Variants in POLDIP3 observed in about 807,000 individuals in gnomAD.
POLDIP3 encodes polymerase delta-interacting protein 3.
Under a neutral mutation model 45.1 loss-of-function variants are expected in POLDIP3, and 14 were observed. That is an observed-to-expected ratio of 0.31 (90% CI 0.20 to 0.49). The LOEUF is 0.49. Ranked by LOEUF, POLDIP3 falls within the 20% of genes least tolerant of loss-of-function variation. POLDIP3 has a pLI of 0.99. For missense variants in POLDIP3, 511 were observed against 538.8 expected (o/e 0.95, Z 0.51); for synonymous variants, 223 against 205.2 (o/e 1.09, Z -0.74).
intron 6 of POLDIP3, 134 bp downstream of exon 6, chr22:42,595,403 G>A (rs1166860042): frequency 1.3e-6 from 1 of 772,050 alleles, no homozygotes; most frequent in East Asian, 2.5e-5. Flanking sequence ...GCTGTCATTA[G>A]TCTCAGCCCT....
intron 4 of POLDIP3, 109 bp from the exon 5 acceptor site, chr22:42,596,474 C>A: frequency 1.9e-6 from 2 of 1,075,504 alleles, no homozygotes; most frequent in Non-Finnish European, 2.7e-6. Context: ...TGCCTCCCAG[C>A]TCTCTAATTC....
At position 42,585,921 on chromosome 22, in the gene POLDIP3, C is replaced by T. The variant is rs766082336; in HGVS notation, c.1136G>A (p.Arg379His). The change falls in exon 9 of 9, where the codon CGC (arginine) becomes CAC (histidine). Residue 379 changes from arginine (R) to histidine (H), a missense_variant. Around this residue, in one of 4 missense-constraint regions of POLDIP3, gnomAD observed 45 missense variants for 34.3 expected, o/e 1.31. Transcript: ENST00000252115. ...GGAGGAGGAGGCAGAGTTCACCCTG[C>T]GAGGCAGCTCGCTCTCCTTTTTCAT... is the stretch of plus-strand genomic sequence containing the variant. Reference protein sequence around the residue: ...PSMKKESELPRRVNSASSSNP... With the variant: ...PSMKKESELPHRVNSASSSNP... 8 of 1,613,386 alleles carry T rather than the reference C, an allele frequency of 5.0e-6. No individual in the cohort carries two copies. Among genetic ancestry groups the T allele is most frequent in the East Asian group, 2.2e-5 (1 of 44,864 alleles).
At chr22:42,600,290 C>A (rs767024039) in intron 3 of POLDIP3, among the ~76,000 whole-genome samples, 1 of 152,118 alleles carries the variant, frequency 6.6e-6, no homozygotes, top group Admixed American at 6.5e-5. Flanking sequence ...CAGAGAAATG[C>A]TTGAGTTACA....
intron 1 of POLDIP3, among the ~76,000 whole-genome samples, chr22:42,606,438 C>T (rs547534566): frequency 5.8e-4 from 88 of 152,154 alleles, no homozygotes; most frequent in African/African-American, 2.1e-3. Flanking sequence ...CAGGACCAGC[C>T]TGGGCAATAT....
intron 8 of POLDIP3, among the ~76,000 whole-genome samples, chr22:42,587,108 CAAA>C (rs1925359183): frequency 6.6e-6 from 1 of 152,002 alleles, no homozygotes; most frequent in Admixed American, 6.6e-5. Flanking sequence ...AACAAACAAA[CAAA>C]CAAACAAAAA....
intron 6 of POLDIP3, among the ~76,000 whole-genome samples, chr22:42,594,156 G>A (rs1925839424): frequency 6.6e-6 from 1 of 152,164 alleles, no homozygotes; most frequent in African/African-American, 2.4e-5. Context: ...AGCTACCAGG[G>A]AGGCTGAGGC....
intron 6 of POLDIP3, among the ~76,000 whole-genome samples, chr22:42,594,937 CCT>C (rs764593859): frequency 1.3e-4 from 20 of 152,306 alleles, no homozygotes; most frequent in African/African-American, 4.8e-4. Flanking sequence ...ATAGATATCC[CCT>C]GACTCTGAGA....
intron 1 of POLDIP3, among the ~76,000 whole-genome samples, chr22:42,610,437 G>C (rs554037292): frequency 6.6e-6 from 1 of 152,160 alleles, no homozygotes; most frequent in East Asian, 1.9e-4. Flanking sequence ...GGACTCCCCA[G>C]ATGAGGCGTC....
Position 42,584,946 on chromosome 22 carries a change from C to G in POLDIP3, c.*845G>C, listed in dbSNP as rs539246624. 4.4e-6 allele frequency: 2 copies of G among 456,282 alleles called. No homozygotes were observed. Among genetic ancestry groups the G allele is most frequent in the East Asian group, 1.4e-4 (2 of 14,394 alleles). The allele number at this position is 456,282 out of a possible 1,614,324, so 28.3% of individuals were successfully genotyped here. On this transcript the variant is annotated 3_prime_UTR_variant, in exon 9 of 9. Transcript: ENST00000252115. ...AGGCTGAGCCTTTCAAAGGCCCAAC[C>G]AGAAGAGAGCTGGCGGCTACACAAA...
intron 1 of POLDIP3, among the ~76,000 whole-genome samples, chr22:42,604,555 T>C (rs1278668153): frequency 6.6e-6 from 1 of 152,182 alleles, no homozygotes; most frequent in East Asian, 1.9e-4. Context: ...AGTTCCTGTA[T>C]TGCCTCCCAC....
Position 42,585,627 on chromosome 22 carries a change from A to T in POLDIP3, c.*164T>A, listed in dbSNP as rs1925257124. The T allele has an allele frequency of 2.1e-5, 16 of 777,840 alleles. No individual in the cohort carries two copies. In the South Asian group the frequency reaches 2.8e-4, roughly 14 times the overall value. The allele number at this position is 777,840 out of a possible 1,614,324, so 48.2% of individuals were successfully genotyped here. ...GAGAGAAGAGCACAGGGCAGAACACAACACAGAAAGGCGGGTCCCATCCAG... is the reference window on the plus strand; with the variant it reads ...GAGAGAAGAGCACAGGGCAGAACACTACACAGAAAGGCGGGTCCCATCCAG... On this transcript the variant is annotated 3_prime_UTR_variant, in exon 9 of 9. Transcript: ENST00000252115.
At chr22:42,598,327 T>C (rs1297304298) in intron 4 of POLDIP3, among the ~76,000 whole-genome samples, 1 of 149,356 alleles carries the variant, frequency 6.7e-6, no homozygotes, top group Non-Finnish European at 1.5e-5. Context: ...CTTGGCTCAC[T>C]GCAAGCTCCA....
chr22:42,596,408 A>C (rs1925995748), intron 4 of POLDIP3, 43 bp from the exon 5 acceptor site: 1 of 1,581,390 alleles, frequency 6.3e-7, no homozygotes, highest in East Asian at 2.2e-5. Flanking sequence ...CCAGACCTGC[A>C]ATGTTCTGAA....
At chr22:42,602,630 AG>A in intron 2 of POLDIP3, 139 bp downstream of exon 2, 1 of 943,454 alleles carries the variant, frequency 1.1e-6, no homozygotes. Flanking sequence ...ACGTACTTAA[AG>A]CCTCTGTAAG....
chr22:42,587,313 G>A (rs2146798642), intron 8 of POLDIP3, among the ~76,000 whole-genome samples, 193 bp downstream of exon 8: 1 of 152,278 alleles, frequency 6.6e-6, no homozygotes, highest in Admixed American at 6.5e-5. Flanking sequence ...GTCCCTATAG[G>A]GTCAAGCCCT....
intron 4 of POLDIP3, among the ~76,000 whole-genome samples, chr22:42,598,170 C>T (rs891726248): frequency 1.3e-5 from 2 of 150,464 alleles, no homozygotes; most frequent in African/African-American, 4.9e-5. Context: ...GTAAGCTCTG[C>T]CTCCCAGGTT....
At chr22:42,603,954 G>T (rs1926562987) in intron 1 of POLDIP3, among the ~76,000 whole-genome samples, 1 of 152,042 alleles carries the variant, frequency 6.6e-6, no homozygotes, top group Admixed American at 6.5e-5. Context: ...TTTTTTAACT[G>T]GAAATGAATG....
chr22:42,591,546 A>C (rs774186109), intron 7 of POLDIP3, among the ~76,000 whole-genome samples: 8 of 152,216 alleles, frequency 5.3e-5, no homozygotes, highest in African/African-American at 1.9e-4. Flanking sequence ...TCAAGTCAAT[A>C]AAGTCTGTTG....
At chr22:42,612,423 T>C (rs570989470) in intron 1 of POLDIP3, among the ~76,000 whole-genome samples, 7 of 152,162 alleles carry the variant, frequency 4.6e-5, no homozygotes, top group Non-Finnish European at 7.4e-5. Flanking sequence ...GCGTCTAGAG[T>C]CCCAGTGCTC....
Sources: allele counts gnomAD v4.1 joint callset (sites outside exome capture counted in the v4.1 genomes callset), GRCh38; gene constraint gnomAD v4.1.1; regional missense constraint gnomAD v4.1.1; transcripts MANE v1.5; gene names NCBI Gene and HGNC (gene_info 2026-07-23, HGNC 2026-07-21).